DNAH8: variants seen among roughly 807,000 people sequenced by gnomAD.
DNAH8 encodes the protein axonemal beta dynein heavy chain 8.
A neutral mutation model predicts 562.1 loss-of-function variants in DNAH8; 382 were observed. The ratio of observed to expected loss-of-function variants is 0.68; its 90% CI spans 0.63 to 0.74. The LOEUF (loss-of-function observed/expected upper bound fraction) is 0.74. Ranked by LOEUF, DNAH8 falls within the 30% of genes least tolerant of loss-of-function variation. DNAH8 has a pLI of 0.00. For missense variants in DNAH8, 5,203 were observed against 5,620.4 expected, an observed-to-expected ratio of 0.93 and a Z score of 2.37; for synonymous variants, 1,881 against 1,919.4, an observed-to-expected ratio of 0.98 and a Z score of 0.52.
At chr6:38,762,399 T>C (rs1766604953) in intron 11 of DNAH8, among the ~76,000 whole-genome samples, 1 of 152,210 alleles carries the variant, frequency 6.6e-6, no homozygotes. Flanking sequence ...AATTAAACTG[T>C]CCTAACGTTT....
At position 38,805,433 on chromosome 6, in the gene DNAH8, A is replaced by G. The variant is rs1369962026; in HGVS notation, c.3035-48A>G. 4.2e-6 allele frequency: 5 copies of G among 1,193,110 alleles called. No homozygotes were observed. The African/African-American group carries it at 4.5e-5, about 11-fold the overall frequency. The allele number at this position is 1,193,110 out of a possible 1,614,324, so 73.9% of individuals were successfully genotyped here. ...GATTTGGCCATGTAGAATACAGACA[A>G]TGCTAAAAAGTCAAATGTTATATTT... is the stretch of plus-strand genomic sequence containing the variant. On this transcript the variant is annotated intron_variant, in intron 22 of 92. Coordinates refer to ENST00000327475, the MANE Select transcript of DNAH8 (RefSeq NM_001206927.2).
At chr6:38,819,477 TA>T in intron 26 of DNAH8, among the ~76,000 whole-genome samples, 1 of 152,318 alleles carries the variant, frequency 6.6e-6, no homozygotes, top group East Asian at 1.9e-4. Flanking sequence ...ATATTTCACT[TA>T]CCCACACATA....
At position 38,884,677 on chromosome 6, in the gene DNAH8, T is replaced by A. The variant is rs940872140; in HGVS notation, c.8259+679T>A. The stretch of plus-strand genomic sequence containing the variant: ...CCTTTCTTAGCTCCTCTCTTCTGCC[T>A]TTCTGCAGGGTTACATCCTTGCTCT... On this transcript the variant is annotated intron_variant, in intron 56 of 92. Transcript: ENST00000327475. Among the ~76,000 whole-genome samples, 10 of 152,204 alleles carry A rather than the reference T, an allele frequency of 6.6e-5. No homozygotes were observed. The South Asian group carries it at 1.9e-3, about 28-fold the overall frequency.
At chr6:38,759,335 A>C (rs1055879519) in intron 10 of DNAH8, among the ~76,000 whole-genome samples, 1 of 151,948 alleles carries the variant, frequency 6.6e-6, no homozygotes, top group African/African-American at 2.4e-5. Context: ...ACAAACAAAC[A>C]AACAAACCAC....
intron 66 of DNAH8, 73 bp from the exon 67 acceptor site, chr6:38,913,776 A>G: frequency 9.5e-7 from 1 of 1,050,062 alleles, no homozygotes; most frequent in Non-Finnish European, 1.4e-6. Flanking sequence ...AATAAATAGT[A>G]AACATTGAAT....
Position 38,898,293 on chromosome 6 carries a change from G to C in DNAH8, c.8976G>C (p.Gln2992His), listed in dbSNP as rs575113985. The change falls in exon 61 of 93, where the codon CAG (glutamine) becomes CAC (histidine). Residue 2992 changes from glutamine (Q) to histidine (H), a missense_variant. Physicochemically the swap from Gln to His is conservative, Grantham distance 24. Coordinates refer to ENST00000327475, the MANE Select transcript of DNAH8 (RefSeq NM_001206927.2). ...TTGACTTTCTGGCTGAAAAACTCCAGTTTTACCAGAGACAGTTCAATGAAA... is the reference window on the plus strand; with the variant it reads ...TTGACTTTCTGGCTGAAAAACTCCACTTTTACCAGAGACAGTTCAATGAAA... ...PSFDFLAEKLQFYQRQFNEII... is the reference protein window; with the variant it reads ...PSFDFLAEKLHFYQRQFNEII... The C allele has an allele frequency of 8.1e-5, 129 of 1,591,640 alleles. No homozygotes were observed. The South Asian group carries it at 1.4e-3, about 18-fold the overall frequency.
chr6:38,724,146 T>A (rs1010137558), intron 3 of DNAH8, among the ~76,000 whole-genome samples: 1 of 151,152 alleles, frequency 6.6e-6, no homozygotes, highest in African/African-American at 2.4e-5. Context: ...CCCAGCTAAA[T>A]TTTTTTTTGT....
At chr6:38,752,146 C>T (rs1308484040) in intron 9 of DNAH8, among the ~76,000 whole-genome samples, 1 of 152,000 alleles carries the variant, frequency 6.6e-6, no homozygotes. Context: ...AGTTGAAATG[C>T]TTCCTCTTTC....
intron 47 of DNAH8, 130 bp from the exon 48 acceptor site, chr6:38,867,932 C>T: frequency 1.2e-6 from 1 of 839,422 alleles, no homozygotes; most frequent in Non-Finnish European, 1.8e-6. Flanking sequence ...GCTAATAAAC[C>T]TTTGTGGCTT....
At chr6:38,991,009 G>T (rs1343041448) in intron 88 of DNAH8, among the ~76,000 whole-genome samples, 1 of 152,342 alleles carries the variant, frequency 6.6e-6, no homozygotes, top group African/African-American at 2.4e-5. Flanking sequence ...TGCCCTAAGA[G>T]TGGGGCATTC....
chr6:38,783,257 G>T, intron 17 of DNAH8, 118 bp downstream of exon 17: 1 of 790,650 alleles, frequency 1.3e-6, no homozygotes, highest in Non-Finnish European at 2.0e-6. Context: ...TTACAATTTA[G>T]ATTTAGGGAT....
chr6:38,875,897 A>C (rs1398537366), intron 53 of DNAH8, 69 bp downstream of exon 53: 3 of 975,784 alleles, frequency 3.1e-6, no homozygotes, highest in African/African-American at 3.3e-5. Context: ...GCTTTCATAA[A>C]CTCTTCTATG....
At chr6:39,003,268 C>T (rs1020069945) in intron 88 of DNAH8, among the ~76,000 whole-genome samples, 4 of 152,152 alleles carry the variant, frequency 2.6e-5, no homozygotes, top group Admixed American at 6.5e-5. Context: ...CAGAAGGGGG[C>T]GCTTTCTGGT....
At chr6:38,777,709 G>A (rs949533723) in intron 13 of DNAH8, among the ~76,000 whole-genome samples, 24 of 152,144 alleles carry the variant, frequency 1.6e-4, no homozygotes, top group Non-Finnish European at 2.9e-4. Flanking sequence ...TGAGATTACA[G>A]GCATGAGCCA....
chr6:38,837,788 G>A (rs1052221602), intron 32 of DNAH8, among the ~76,000 whole-genome samples, 154 bp from the exon 33 acceptor site: 1 of 152,138 alleles, frequency 6.6e-6, no homozygotes, highest in South Asian at 2.1e-4. Flanking sequence ...TTCTCTGATA[G>A]CTTGGTATCA....
intron 80 of DNAH8, 67 bp downstream of exon 80, chr6:38,945,655 C>T: frequency 6.3e-7 from 1 of 1,593,366 alleles, no homozygotes; most frequent in Admixed American, 1.7e-5. Context: ...GCCGCTTAAA[C>T]TGGGGCTTCC....
At chr6:38,870,291 TAATA>T in intron 48 of DNAH8, 106 bp from the exon 49 acceptor site, 1 of 923,632 alleles carries the variant, frequency 1.1e-6, no homozygotes, top group Non-Finnish European at 1.7e-6. Flanking sequence ...ATTAGGAGAG[TAATA>T]AATGGTTCTC....
rs1484450315 is a variant in DNAH8 at position 38,781,304 on chromosome 6, T to C, written c.2190T>C (p.Pro730=). 2.5e-6 allele frequency: 4 copies of C among 1,613,860 alleles called. No individual in the cohort carries two copies. Among genetic ancestry groups the C allele is most frequent in the Non-Finnish European group, 3.4e-6 (4 of 1,179,942 alleles). ...CCCCTCTTGCTCGCAACATGCCCCC[T>C]ATAGCAGGAAAAATACTCTGGGTGA... ...DDPPLARNMP[P]IAGKILWVRQ... is the part of the protein sequence containing the mutation. Residue 730 remains proline, a synonymous_variant, in exon 16 of 93, where the codon CCT becomes CCC. Coordinates refer to ENST00000327475, the MANE Select transcript of DNAH8 (RefSeq NM_001206927.2).
rs759757654 is a variant in DNAH8 at position 38,815,677 on chromosome 6, C to G, written c.3523+20C>G. On this transcript the variant is annotated intron_variant, in intron 26 of 92. Transcript: ENST00000327475. The stretch of plus-strand genomic sequence containing the variant: ...AAGAAAGTAAGAATGTAAAATTAGT[C>G]AATGATCTTACTGATCCTTTTTGGA... The G allele has an allele frequency of 6.3e-7, 1 of 1,591,040 alleles. No homozygotes were observed. The highest frequency in any genetic ancestry group is 8.6e-7 in the Non-Finnish European group (1 of 1,164,020).
Sources: gnomAD v4.1 joint callset for allele counts (sites outside exome capture counted in the v4.1 genomes callset) on GRCh38, gnomAD v4.1.1 for gene constraint, MANE v1.5 for transcripts, NCBI Gene and HGNC (gene_info 2026-07-23, HGNC 2026-07-21) for gene names.